The following ERAP2 variants were observed in gnomAD, a reference collection of about 807,000 sequenced individuals.
ERAP2 encodes endoplasmic reticulum aminopeptidase 2, also known as leukocyte-derived arginine aminopeptidase.
A neutral mutation model predicts 111.1 loss-of-function variants in ERAP2; 118 were observed. The observed-to-expected ratio is 1.06, with a 90% confidence interval of 0.92 to 1.24. ERAP2 has a LOEUF of 1.24. Ranked by LOEUF, ERAP2 falls within the 50% of genes most tolerant of loss-of-function variation. The probability of loss-of-function intolerance (pLI) is 0.00; values close to 1 mark genes in which losing one functional copy is unlikely to be tolerated. For synonymous variants in ERAP2, 410 were observed against 401.2 expected (o/e 1.02, Z -0.26); for missense variants, 1,131 against 1,125.8 (o/e 1.00, Z -0.07).
intron 13 of ERAP2, among the ~76,000 whole-genome samples, chr5:96,905,944 AT>A (rs34095051): frequency 0.04 from 5,620 of 139,516 alleles, 186 homozygotes; most frequent in East Asian, 0.13. Flanking sequence ...TTTCTTTTTA[AT>A]TTTTTTTTTT....
chr5:96,912,501 G>A (rs1385168108), intron 15 of ERAP2, 136 bp from the exon 16 acceptor site: 2 of 527,012 alleles, frequency 3.8e-6, no homozygotes, highest in Non-Finnish European at 6.4e-6. Context: ...ATAAGAGTTC[G>A]GCAGAGAAAA....
chr5:96,900,051 A>G, intron 9 of ERAP2, 70 bp from the exon 10 acceptor site: 1 of 1,547,850 alleles, frequency 6.5e-7, no homozygotes, highest in Non-Finnish European at 8.9e-7. Flanking sequence ...GCCTGCATCC[A>G]TGGCTAATGT....
chr5:96,889,336 T>C (rs761747571), intron 5 of ERAP2, 31 bp downstream of exon 5: 1 of 1,613,080 alleles, frequency 6.2e-7, no homozygotes, highest in East Asian at 2.2e-5. Context: ...ATTGTCTTCA[T>C]TTTTGCTCAT....
At chr5:96,907,890 A>T (rs1216128966) in intron 13 of ERAP2, among the ~76,000 whole-genome samples, 4 of 152,040 alleles carry the variant, frequency 2.6e-5, no homozygotes, top group African/African-American at 9.6e-5. Flanking sequence ...TCTCAAAAAA[A>T]AAAAATATAT....
chr5:96,892,366 G>A lies in ERAP2; in HGVS notation c.1038G>A (p.Glu346=), dbSNP rs767716707. The A allele has an allele frequency of 5.0e-6, 8 of 1,614,030 alleles. No individual in the cohort carries two copies. The South Asian group carries it at 6.6e-5, about 13-fold the overall frequency. ...MENWGLITYR[E]TSLLFDPKTS... is the part of the protein sequence containing the mutation. ...ATTGGGGCCTCATTACATATAGGGAGACGTCACTGCTTTTTGACCCCAAGA... is the reference window on the plus strand; with the variant it reads ...ATTGGGGCCTCATTACATATAGGGAAACGTCACTGCTTTTTGACCCCAAGA... The change falls in exon 6 of 19, where the codon GAG becomes GAA. Residue 346 remains glutamate (E), a synonymous_variant. Transcript: ENST00000437043.
intron 17 of ERAP2, among the ~76,000 whole-genome samples, chr5:96,914,374 C>A (rs889594761): frequency 6.6e-6 from 1 of 152,180 alleles, no homozygotes; most frequent in Non-Finnish European, 1.5e-5. Context: ...CACAGCTTTG[C>A]GTAAGCAAAA....
upstream of ERAP2, chr5:96,876,178 C>T (rs562078061): frequency 1.3e-5 from 2 of 152,514 alleles, no homozygotes; most frequent in African/African-American, 4.8e-5. Flanking sequence ...AGTTCAAGAT[C>T]AATTCCTAAG....
intron 3 of ERAP2, 120 bp downstream of exon 3, chr5:96,884,050 CTATCTATCTA>C: frequency 1.8e-6 from 1 of 549,080 alleles, no homozygotes; most frequent in African/African-American, 2.0e-5. Context: ...ATCTATCTAT[CTATCTATCTA>C]TCTATCTATC....
At chr5:96,910,150 A>T (rs111341749) in intron 15 of ERAP2, 29 of 164,576 alleles carry the variant, frequency 1.8e-4, no homozygotes, top group African/African-American at 5.2e-4. Context: ...TTGTAATCCC[A>T]GCTACTTCGG....
intron 4 of ERAP2, among the ~76,000 whole-genome samples, chr5:96,887,695 C>G (rs1193164642): frequency 2.0e-5 from 3 of 152,092 alleles, no homozygotes; most frequent in Non-Finnish European, 4.4e-5. Context: ...ACAACAATAC[C>G]TAATGATTAT....
chr5:96,892,522 T>C, intron 6 of ERAP2, 69 bp downstream of exon 6: 3 of 1,564,920 alleles, frequency 1.9e-6, no homozygotes, highest in Non-Finnish European at 2.6e-6. Flanking sequence ...CGACCAATCT[T>C]CCTGAAACAA....
chr5:96,877,280 T>C (rs1345997540), intron 1 of ERAP2, among the ~76,000 whole-genome samples: 1 of 152,190 alleles, frequency 6.6e-6, no homozygotes, highest in Admixed American at 6.5e-5. Flanking sequence ...CGGTCCTGTT[T>C]CTTTATCTGA....
intron 18 of ERAP2, 133 bp downstream of exon 18, chr5:96,915,902 G>A (rs2112434225): frequency 3.1e-6 from 2 of 650,470 alleles, no homozygotes; most frequent in East Asian, 6.2e-5. Context: ...ATGCCATATA[G>A]CAAGTAAATG....
At chr5:96,914,663 T>C (rs942502624) in intron 17 of ERAP2, among the ~76,000 whole-genome samples, 2 of 152,242 alleles carry the variant, frequency 1.3e-5, no homozygotes, top group African/African-American at 4.8e-5. Context: ...AACTGTGCTC[T>C]GCTTTATCAA....
intron 5 of ERAP2, among the ~76,000 whole-genome samples, chr5:96,890,367 C>A (rs1264598450): frequency 1.3e-5 from 2 of 152,186 alleles, no homozygotes; most frequent in Non-Finnish European, 2.9e-5. Context: ...CTATGAGAAT[C>A]TAATGACACC....
chr5:96,916,060 A>C (rs1367716425), intron 18 of ERAP2, among the ~76,000 whole-genome samples: 1 of 152,006 alleles, frequency 6.6e-6, no homozygotes, highest in African/African-American at 2.4e-5. Context: ...GTCTCTAATA[A>C]AAATACAAAA....
At position 96,879,689 on chromosome 5, in the gene ERAP2, T is replaced by G. The variant is rs781360233; in HGVS notation, c.4T>G (p.Phe2Val). 1.9e-6 allele frequency: 3 copies of G among 1,612,202 alleles called. No homozygotes were observed. Among genetic ancestry groups the G allele is most frequent in the East Asian group, 4.5e-5 (2 of 44,852 alleles). The change falls in exon 2 of 19, where the codon TTC (phenylalanine) becomes GTC (valine). Residue 2 changes from phenylalanine (F) to valine (V), a missense_variant. Coordinates refer to ENST00000437043, the MANE Select transcript of ERAP2 (RefSeq NM_022350.5). M[F>V]HSSAMVNSHR... The stretch of plus-strand genomic sequence containing the variant: ...TGTCTTCTAGAGAATAGATTTCATG[T>G]TCCATTCTTCTGCAATGGTTAATTC...
At chr5:96,885,620 T>G (rs1318293690) in intron 3 of ERAP2, among the ~76,000 whole-genome samples, 1 of 152,230 alleles carries the variant, frequency 6.6e-6, no homozygotes, top group Non-Finnish European at 1.5e-5. Flanking sequence ...AATCGTAATC[T>G]TATCCAACAT....
chr5:96,917,202 G>A (rs960795224), intron 18 of ERAP2, among the ~76,000 whole-genome samples: 12 of 151,626 alleles, frequency 7.9e-5, no homozygotes, highest in Admixed American at 5.3e-4. Context: ...CACCTGCTGG[G>A]TTCAAGCAAT....
Sources: allele counts gnomAD v4.1 joint callset (sites outside exome capture counted in the v4.1 genomes callset), GRCh38; gene constraint gnomAD v4.1.1; transcripts MANE v1.5; gene names NCBI Gene and HGNC (gene_info 2026-07-23, HGNC 2026-07-21).